The following SRGAP3 variants were observed in gnomAD, a reference collection of about 807,000 sequenced individuals.
SRGAP3 encodes SLIT-ROBO Rho GTPase-activating protein 3.
In SRGAP3, 39 loss-of-function variants were observed where a neutral mutation model predicts 121.1. The observed-to-expected ratio is 0.32, with a 90% CI of 0.25 to 0.42. SRGAP3 has a LOEUF of 0.42. SRGAP3 is among the 10% of genes least tolerant of loss of function. The pLI is 1.00. For missense variants in SRGAP3, 1,213 were observed against 1,470.6 expected (o/e 0.82, Z 2.86); for synonymous variants, 601 against 570.0 (o/e 1.05, Z -0.77).
rs771264453 is a variant in SRGAP3, at chr3:9,056,338, C to A, written c.1024-4G>T. ...GCTGAGCGCTGACCTGGCAGACCTG[C>A]AGGAATAACAGCCACCATCTGTGGT... On this transcript the variant is annotated splice_polypyrimidine_tract_variant and splice_region_variant and intron_variant, in intron 7 of 21. Transcript: ENST00000383836. 2.5e-6 allele frequency: 4 copies of A among 1,611,888 alleles called. No individual in the cohort carries two copies. In the South Asian group the frequency reaches 3.3e-5, roughly 13 times the overall value.
intron 3 of SRGAP3, among the ~76,000 whole-genome samples, chr3:9,102,615 A>AAGTC: frequency 6.6e-6 from 1 of 152,330 alleles, no homozygotes; most frequent in Middle Eastern, 3.4e-3. Context: ...GTGCTGTGCA[A>AAGTC]AGTCAGCCAG....
chr3:9,017,584 AG>A (rs772633321), intron 14 of SRGAP3, among the ~76,000 whole-genome samples: 4 of 152,330 alleles, frequency 2.6e-5, no homozygotes, highest in Admixed American at 6.5e-5. Flanking sequence ...GCTGGTGGCC[AG>A]GGTATGGAGG....
chr3:9,257,855 C>T lies in SRGAP3; in HGVS notation n.442+68155G>A, dbSNP rs952239416. 1.1e-4 allele frequency among the ~76,000 whole-genome samples: 17 copies of T among 152,050 alleles called. 1 individual carries two copies. The highest frequency in any genetic ancestry group is 1.0e-3 in the South Asian group (5 of 4,798). On this transcript the variant is annotated intron_variant and non_coding_transcript_variant, in intron 3 of 3. Transcript: ENST00000490889. Reference sequence around the variant, plus strand: ...GAGTAGCTGGGATTACAGGCACCCACGACCGCGCCTGGCTAATTTTTGTAT... The same window carrying T: ...GAGTAGCTGGGATTACAGGCACCCATGACCGCGCCTGGCTAATTTTTGTAT...
At chr3:9,356,211 T>TTTGG (rs2030498278) in intron 1 of SRGAP3, among the ~76,000 whole-genome samples, 1 of 140,304 alleles carries the variant, frequency 7.1e-6, no homozygotes, top group African/African-American at 2.9e-5. Flanking sequence ...TTTTTTTTTT[T>TTTGG]GAGACAGGAT....
chr3:9,259,573 G>A (rs1433765627), intron 3 of SRGAP3, among the ~76,000 whole-genome samples: 1 of 152,142 alleles, frequency 6.6e-6, no homozygotes, highest in Non-Finnish European at 1.5e-5. Flanking sequence ...CCTCCAAAAT[G>A]TTGGGATTAC....
intron 3 of SRGAP3, among the ~76,000 whole-genome samples, chr3:9,092,825 AC>A (rs1312287970): frequency 1.1e-4 from 17 of 152,160 alleles, no homozygotes; most frequent in African/African-American, 4.1e-4. Context: ...ATCCTGTCCC[AC>A]CCTGGCTTCC....
At chr3:9,319,062 A>T (rs1003383877) in intron 3 of SRGAP3, among the ~76,000 whole-genome samples, 2 of 151,904 alleles carry the variant, frequency 1.3e-5, no homozygotes, top group Non-Finnish European at 2.9e-5. Flanking sequence ...ATTCATTTTA[A>T]ATACATACAC....
At chr3:9,204,321 G>A (rs2125164433) in intron 1 of SRGAP3, among the ~76,000 whole-genome samples, 1 of 152,362 alleles carries the variant, frequency 6.6e-6, no homozygotes, top group East Asian at 1.9e-4. Context: ...CCTTAGCCAG[G>A]AAGCAGTGGC....
At chr3:9,113,368 CA>C (rs1948697939) in intron 2 of SRGAP3, among the ~76,000 whole-genome samples, 1 of 152,156 alleles carries the variant, frequency 6.6e-6, no homozygotes, top group Non-Finnish European at 1.5e-5. Flanking sequence ...CACAGCACCC[CA>C]ATCTTTGCCT....
chr3:9,048,835 A>T (rs1465761968), intron 9 of SRGAP3, among the ~76,000 whole-genome samples: 2 of 152,150 alleles, frequency 1.3e-5, no homozygotes, highest in African/African-American at 4.8e-5. Context: ...ACAAAAAAAT[A>T]AATAAATCAA....
At chr3:9,036,869 C>T (rs987654582) in intron 11 of SRGAP3, 2 of 152,210 alleles carry the variant, frequency 1.3e-5, no homozygotes, top group Non-Finnish European at 2.9e-5. Flanking sequence ...AAAGGTTCTT[C>T]GAAAGTGACC....
rs768491238 is a variant in SRGAP3, at chr3:8,990,620, A to G, written c.2778T>C (p.Pro926=). ...TFGSAGSINY[P]DKKALSEGHS... is the part of the protein sequence containing the mutation. ...GCCCTTCGGAGAGCGCCTTCTTGTCAGGGTAGTTGATGCTGCCAGCGCTCC... is the reference window on the plus strand; with the variant it reads ...GCCCTTCGGAGAGCGCCTTCTTGTCGGGGTAGTTGATGCTGCCAGCGCTCC... Residue 926 remains proline, a synonymous_variant, in exon 21 of 22, where the codon CCT becomes CCC. Transcript: ENST00000383836. The G allele has an allele frequency of 5.6e-6, 9 of 1,613,112 alleles. No homozygotes were observed. The highest frequency in any genetic ancestry group is 7.6e-6 in the Non-Finnish European group (9 of 1,179,770).
At position 9,254,807 on chromosome 3, in the gene SRGAP3, A is replaced by C. The variant is rs1012399103; in HGVS notation, n.442+71203T>G. Among the ~76,000 whole-genome samples, 4 of 150,336 alleles carry C rather than the reference A, an allele frequency of 2.7e-5. No individual in the cohort carries two copies. In the Admixed American group the frequency reaches 2.7e-4, roughly 10 times the overall value. Reference sequence around the variant, plus strand: ...ACAGAGCAAGGCTCTGAAAAAAAGAAAGAAAGAAAAAGAGAGAGAGAGAGA... The same window carrying C: ...ACAGAGCAAGGCTCTGAAAAAAAGACAGAAAGAAAAAGAGAGAGAGAGAGA... On this transcript the variant is annotated intron_variant and non_coding_transcript_variant, in intron 3 of 3. Transcript: ENST00000490889.
At chr3:9,096,980 T>TACACAC (rs60792299) in intron 3 of SRGAP3, among the ~76,000 whole-genome samples, 1 of 71,014 alleles carries the variant, frequency 1.4e-5, no homozygotes, top group African/African-American at 6.1e-5. Context: ...TATATATATA[T>TACACAC]ACACATACAC....
intron 4 of SRGAP3, among the ~76,000 whole-genome samples, chr3:9,071,615 G>A (rs1202784472): frequency 6.6e-6 from 1 of 151,878 alleles, no homozygotes; most frequent in Non-Finnish European, 1.5e-5. Flanking sequence ...CAAACCAGAA[G>A]TGGGAGAGAG....
intron 14 of SRGAP3, among the ~76,000 whole-genome samples, chr3:9,024,383 A>C (rs1371724630): frequency 6.6e-6 from 1 of 152,244 alleles, no homozygotes; most frequent in Non-Finnish European, 1.5e-5. Context: ...TTCTAGAATC[A>C]GGGAGCAGGA....
At chr3:9,297,591 C>T (rs748154820) in intron 3 of SRGAP3, among the ~76,000 whole-genome samples, 4 of 151,898 alleles carry the variant, frequency 2.6e-5, no homozygotes, top group Non-Finnish European at 5.9e-5. Flanking sequence ...TGACCTGTTT[C>T]CTTAAAAAAA....
rs933925985 is a variant in SRGAP3, at chr3:9,095,913, GA to G, written c.423+8766del. Among the ~76,000 whole-genome samples the G allele has an allele frequency of 1.5e-4, 22 of 148,702 alleles. No individual in the cohort carries two copies. The South Asian group carries it at 2.4e-3, about 16-fold the overall frequency. ...TGAGACCCTGTCTGTACAAAAACTGGAAAAAAAAAATTGCAGGGTGTGGTGG... is the reference window on the plus strand; with the variant it reads ...TGAGACCCTGTCTGTACAAAAACTGGAAAAAAAAATTGCAGGGTGTGGTGG... On this transcript the variant is annotated intron_variant, in intron 3 of 21. Coordinates refer to ENST00000383836, the MANE Select transcript of SRGAP3 (RefSeq NM_014850.4).
chr3:9,292,190 G>T (rs543218380), intron 3 of SRGAP3, among the ~76,000 whole-genome samples: 1 of 152,234 alleles, frequency 6.6e-6, no homozygotes, highest in Non-Finnish European at 1.5e-5. Context: ...ACTGTAGCGT[G>T]CATCAGAATC....
Sources: gnomAD v4.1 joint callset for allele counts (sites outside exome capture counted in the v4.1 genomes callset) on GRCh38, gnomAD v4.1.1 for gene constraint, MANE v1.5 for transcripts, NCBI Gene and HGNC (gene_info 2026-07-23, HGNC 2026-07-21) for gene names.